The following WDHD1 variants were observed in gnomAD, a reference collection of about 807,000 sequenced individuals.
WDHD1 encodes the protein WD repeat and HMG-box DNA-binding protein 1.
WDHD1 carries 111 observed loss-of-function variants against 135.4 expected under a neutral mutation model. The observed-to-expected ratio is 0.82, with a 90% CI of 0.70 to 0.96. The LOEUF is 0.96. Ranked by LOEUF, WDHD1 falls within the 40% of genes least tolerant of loss-of-function variation. The pLI is 0.00. For synonymous variants in WDHD1, 434 were observed against 439.0 expected (o/e 0.99, Z 0.14); for missense variants, 1,351 against 1,336.3 (o/e 1.01, Z -0.17).
intron 2 of WDHD1, among the ~76,000 whole-genome samples, chr14:55,022,774 C>G (rs982033856): frequency 1.3e-5 from 2 of 150,806 alleles, no homozygotes; most frequent in Non-Finnish European, 1.5e-5. Flanking sequence ...AATCTGCTGT[C>G]TCTTGGTCAG....
chr14:55,010,640 A>G (rs978359768), intron 3 of WDHD1, among the ~76,000 whole-genome samples, 180 bp from the exon 4 acceptor site: 4 of 152,280 alleles, frequency 2.6e-5, no homozygotes, highest in African/African-American at 9.6e-5. Context: ...AAAATTTGCT[A>G]GCTTTAGAAA....
chr14:54,998,381 C>A (rs546397487), intron 10 of WDHD1, among the ~76,000 whole-genome samples: 1 of 152,174 alleles, frequency 6.6e-6, no homozygotes, highest in East Asian at 1.9e-4. Context: ...CCACCGGCCT[C>A]GGCCTCCCAA....
chr14:55,026,260 C>T (rs2042438260), intron 2 of WDHD1, among the ~76,000 whole-genome samples: 1 of 151,662 alleles, frequency 6.6e-6, no homozygotes, highest in Non-Finnish European at 1.5e-5. Context: ...CCAGAATAAC[C>T]GTAGGAAAAT....
intron 7 of WDHD1, chr14:55,005,167 C>T (rs1448722872): frequency 7.4e-6 from 4 of 540,538 alleles, no homozygotes; most frequent in Non-Finnish European, 1.5e-5. Context: ...GCATCCACCA[C>T]ATCAATCCCA....
intron 16 of WDHD1, among the ~76,000 whole-genome samples, chr14:54,970,239 T>C (rs935263119): frequency 1.3e-5 from 2 of 152,104 alleles, no homozygotes; most frequent in Non-Finnish European, 2.9e-5. Flanking sequence ...AGAAGTCAAA[T>C]ATCTCTCCAC....
intron 25 of WDHD1, among the ~76,000 whole-genome samples, chr14:54,943,658 A>G (rs1265332976): frequency 6.6e-6 from 1 of 152,198 alleles, no homozygotes; most frequent in Non-Finnish European, 1.5e-5. Context: ...TTGGCCTCCC[A>G]AAGTGCTAGG....
chr14:54,994,139 T>C (rs549029072), intron 11 of WDHD1, among the ~76,000 whole-genome samples: 6 of 152,346 alleles, frequency 3.9e-5, no homozygotes, highest in East Asian at 1.9e-4. Context: ...TCAAGTGTTA[T>C]TGTAGCATGT....
intron 25 of WDHD1, among the ~76,000 whole-genome samples, chr14:54,941,957 A>G (rs1266473977): frequency 2.0e-5 from 3 of 152,150 alleles, no homozygotes; most frequent in African/African-American, 7.2e-5. Flanking sequence ...ACTATTTAAA[A>G]ATGAAACTTT....
At chr14:54,981,418 T>C in intron 16 of WDHD1, 122 bp downstream of exon 16, 3 of 903,438 alleles carry the variant, frequency 3.3e-6, no homozygotes, top group Non-Finnish European at 4.9e-6. Context: ...CCTAATTTAG[T>C]GACTATGGAA....
chr14:54,995,285 T>C (rs1206146210), intron 11 of WDHD1, among the ~76,000 whole-genome samples: 1 of 152,164 alleles, frequency 6.6e-6, no homozygotes, highest in Non-Finnish European at 1.5e-5. Context: ...CCGGCCTTAT[T>C]GATCTTGTCA....
At chr14:54,991,655 T>C (rs1362193557) in intron 11 of WDHD1, among the ~76,000 whole-genome samples, 1 of 152,158 alleles carries the variant, frequency 6.6e-6, no homozygotes, top group Non-Finnish European at 1.5e-5. Flanking sequence ...CACTACTCAC[T>C]TGCAGTAAAA....
intron 17 of WDHD1, 43 bp from the exon 18 acceptor site, chr14:54,966,649 A>G: frequency 1.9e-6 from 3 of 1,560,604 alleles, no homozygotes; most frequent in Non-Finnish European, 1.7e-6. Flanking sequence ...CTATCACCTT[A>G]ATATGAGGCA....
At chr14:55,015,442 T>C (rs778015504) in intron 2 of WDHD1, among the ~76,000 whole-genome samples, 48 of 150,514 alleles carry the variant, frequency 3.2e-4, no homozygotes, top group Non-Finnish European at 5.6e-4. Flanking sequence ...TCTTTGTACT[T>C]CCAGCTTCTG....
intron 21 of WDHD1, among the ~76,000 whole-genome samples, chr14:54,958,704 C>T (rs1197977961): frequency 6.6e-6 from 1 of 152,174 alleles, no homozygotes; most frequent in Admixed American, 6.5e-5. Flanking sequence ...TTAGTTCCTT[C>T]CTCTCTGGAC....
rs2040813171 is a variant in WDHD1, at chr14:54,939,795, C to A, written c.*1695G>T. The A allele has an allele frequency of 6.6e-6, 1 of 152,158 alleles. No homozygotes were observed. The highest frequency in any genetic ancestry group is 1.5e-5 in the Non-Finnish European group (1 of 68,026). The allele number at this position is 152,158 out of a possible 1,614,324, so 9.4% of individuals were successfully genotyped here. A position where few individuals can be genotyped will look rare whatever the true frequency, so the allele number is the denominator to read the frequency against. ...CTATGAATCTGAAATACAATATACACAGATTATATCCTTAAGCATTAGGTT... is the reference window on the plus strand; with the variant it reads ...CTATGAATCTGAAATACAATATACAAAGATTATATCCTTAAGCATTAGGTT... On this transcript the variant is annotated 3_prime_UTR_variant, in exon 26 of 26. Transcript: ENST00000360586.
At chr14:54,963,738 T>A (rs1215781390) in intron 18 of WDHD1, among the ~76,000 whole-genome samples, 1 of 147,200 alleles carries the variant, frequency 6.8e-6, no homozygotes, top group African/African-American at 2.6e-5. Flanking sequence ...AGGTGGAGGT[T>A]GCAGTGAGCC....
chr14:54,969,358 AAG>A (rs928345041), intron 16 of WDHD1, among the ~76,000 whole-genome samples: 3 of 151,222 alleles, frequency 2.0e-5, no homozygotes, highest in South Asian at 4.2e-4. Flanking sequence ...AAAAAAAAAA[AAG>A]AGAGAGAGAA....
At chr14:55,000,790 A>G in intron 9 of WDHD1, 96 bp downstream of exon 9, 1 of 1,141,708 alleles carries the variant, frequency 8.8e-7, no homozygotes, top group Non-Finnish European at 1.2e-6. Flanking sequence ...TTTCATTCTG[A>G]CAATCTGATG....
In WDHD1 at chr14:54,991,223, T is replaced by C; in HGVS notation, c.1331A>G (p.His444Arg). The C allele has an allele frequency of 7.0e-7, 1 of 1,428,692 alleles. No individual in the cohort carries two copies. Among genetic ancestry groups the C allele is most frequent in the East Asian group, 2.6e-5 (1 of 38,848 alleles). The allele number at this position is 1,428,692 out of a possible 1,614,324, so 88.5% of individuals were successfully genotyped here. ...QSGSTPLHLT[H>R]RFMVWNSIGI... is the part of the protein sequence containing the mutation. ...AGATCCAAGTCTTACCATGAATCTG[T>C]GAGTGAGATGCAACGGTGTAGAACC... The change falls in exon 12 of 26, where the codon CAC becomes CGC. Residue 444 changes from histidine (H) to arginine (R), a missense_variant. By Grantham distance (29) the His-to-Arg change is conservative. Around this residue, in one of 2 missense-constraint regions of WDHD1, gnomAD observed 1,330 missense variants for 1,296.1 expected, o/e 1.03. Coordinates refer to ENST00000360586, the MANE Select transcript of WDHD1 (RefSeq NM_007086.4).
Sources: allele counts gnomAD v4.1 joint callset (sites outside exome capture counted in the v4.1 genomes callset), GRCh38; gene constraint gnomAD v4.1.1; regional missense constraint gnomAD v4.1.1; transcripts MANE v1.5; gene names NCBI Gene and HGNC (gene_info 2026-07-23, HGNC 2026-07-21).